PCM1: variants seen among roughly 807,000 people sequenced by gnomAD.
PCM1 encodes the protein pericentriolar material 1.
In PCM1, 157 loss-of-function variants were observed where a neutral mutation model predicts 241.9. The observed-to-expected ratio is 0.65, with a 90% CI of 0.57 to 0.74. The LOEUF (loss-of-function observed/expected upper bound fraction) is 0.74, where lower values mean the gene tolerates loss of function less well. Among genes scored for constraint, PCM1 ranks in the 30% least tolerant of loss-of-function variants. The probability of loss-of-function intolerance (pLI) is 0.00; values close to 1 mark genes in which losing one functional copy is unlikely to be tolerated. For synonymous variants in PCM1, 1,085 were observed against 784.9 expected, an observed-to-expected ratio of 1.38 and a Z score of -6.39; for missense variants, 3,478 against 2,360.1, an observed-to-expected ratio of 1.47 and a Z score of -9.81.
chr8:17,996,753 C>T (rs553465041), intron 29 of PCM1, among the ~76,000 whole-genome samples: 9 of 152,102 alleles, frequency 5.9e-5, no homozygotes, highest in African/African-American at 1.9e-4. Flanking sequence ...TATTTTAAAC[C>T]GATAACACTG....
Position 17,950,635 on chromosome 8 carries a change from A to G in PCM1, c.982A>G (p.Ser328Gly), listed in dbSNP as rs1471734888. 3 of 1,599,618 alleles carry G rather than the reference A, an allele frequency of 1.9e-6. No homozygotes were observed. Among genetic ancestry groups the G allele is most frequent in the East Asian group, 4.5e-5 (2 of 44,678 alleles). ...DDSVVAETAG[S>G]LSGVSITSEL... is the part of the protein sequence containing the mutation. ...TCCAGTTGTTGCAGAAACTGCAGGT[A>G]GCTTATCTGGCGTCAGTATCACATC... The change falls in exon 8 of 39, where the codon AGC becomes GGC. Residue 328 changes from serine to glycine, a missense_variant. Physicochemically the swap from Ser to Gly is moderately conservative, Grantham distance 56 (BLOSUM62 0). Transcript: ENST00000325083.
intron 29 of PCM1, among the ~76,000 whole-genome samples, chr8:18,003,095 G>C (rs1041020646): frequency 1.3e-5 from 2 of 152,174 alleles, no homozygotes; most frequent in African/African-American, 2.4e-5. Context: ...TACCTGCTTA[G>C]TGCTTGCACG....
At chr8:17,926,987 A>G (rs529533096) in intron 2 of PCM1, 17 of 152,282 alleles carry the variant, frequency 1.1e-4, no homozygotes, top group African/African-American at 4.1e-4. Context: ...CAAGCAGGGA[A>G]TGAAGTAGAA....
chr8:17,960,715 A>G (rs180825497), intron 15 of PCM1, among the ~76,000 whole-genome samples: 2,558 of 151,836 alleles, frequency 0.017, 40 homozygotes, highest in South Asian at 0.043. Flanking sequence ...TGGTAGAGAC[A>G]GGGTTTCACA....
Position 17,928,895 on chromosome 8 carries a change from G to A in PCM1, c.-23+4115G>A, listed in dbSNP as rs192770182. ...GACTCACCCACCTCAGCCTCCCACA[G>A]TGCTGGTATTACAGGCGTGAGCCAC... On this transcript the variant is annotated intron_variant, in intron 2 of 38. Transcript: ENST00000325083. 2.1e-4 allele frequency among the ~76,000 whole-genome samples: 32 copies of A among 152,122 alleles called. No individual in the cohort carries two copies. In the East Asian group the frequency reaches 5.8e-3, roughly 28 times the overall value.
At position 17,976,820 on chromosome 8, in the gene PCM1, G is replaced by C. The variant is rs533783220; in HGVS notation, c.3944-3771G>C. Among the ~76,000 whole-genome samples the C allele has an allele frequency of 5.3e-5, 8 of 152,038 alleles. No homozygotes were observed. In the East Asian group the frequency reaches 9.7e-4, roughly 18 times the overall value. On this transcript the variant is annotated intron_variant, in intron 23 of 38. Transcript: ENST00000325083. The stretch of plus-strand genomic sequence containing the variant: ...GTCACACATTAGTACCTTAACTTTG[G>C]AAATCTAGCCTTTGATGTTTTTAAT...
At chr8:17,975,767 C>A (rs868501445) in intron 23 of PCM1, among the ~76,000 whole-genome samples, 11 of 152,070 alleles carry the variant, frequency 7.2e-5, no homozygotes, top group African/African-American at 1.9e-4. Context: ...CTTTGTTTCC[C>A]ATGATGGTAA....
At chr8:17,997,211 A>T (rs2087182101) in intron 29 of PCM1, among the ~76,000 whole-genome samples, 1 of 151,574 alleles carries the variant, frequency 6.6e-6, no homozygotes, top group South Asian at 2.1e-4. Context: ...ACATGTCATG[A>T]CACTCTCTCC....
At chr8:17,940,225 A>G (rs907557145) in intron 6 of PCM1, 5 of 840,720 alleles carry the variant, frequency 5.9e-6, no homozygotes, top group Non-Finnish European at 9.5e-6. Context: ...AGTTTTCAAG[A>G]TGTTATTTTT....
At chr8:18,027,194 G>T (rs2094295614) in intron 38 of PCM1, among the ~76,000 whole-genome samples, 1 of 152,166 alleles carries the variant, frequency 6.6e-6, no homozygotes, top group Middle Eastern at 3.2e-3. Context: ...TCTGTTTTCA[G>T]CCCACTTCTA....
intron 18 of PCM1, 69 bp downstream of exon 18, chr8:17,964,837 C>A (rs549601881): frequency 8.6e-7 from 1 of 1,156,148 alleles, no homozygotes; most frequent in South Asian, 1.3e-5. Flanking sequence ...ACAGCAAGCA[C>A]TTCTGCAGTT....
chr8:18,009,754 G>A lies in PCM1; in HGVS notation c.5160+10G>A, dbSNP rs761562687. On this transcript the variant is annotated intron_variant, in intron 31 of 38. Coordinates refer to ENST00000325083, the MANE Select transcript of PCM1 (RefSeq NM_006197.4). Reference sequence around the variant, plus strand: ...ATCTTGTGCCAAAGAGGTAAATAACGTTCATTTTGATTTTTAGGATAATTG... The same window carrying A: ...ATCTTGTGCCAAAGAGGTAAATAACATTCATTTTGATTTTTAGGATAATTG... The A allele has an allele frequency of 1.2e-5, 17 of 1,396,750 alleles. No individual in the cohort carries two copies. Among genetic ancestry groups the A allele is most frequent in the South Asian group, 5.7e-5 (3 of 52,196 alleles). The allele number at this position is 1,396,750 out of a possible 1,614,324, so 86.5% of individuals were successfully genotyped here.
At chr8:17,987,437 G>T (rs1300906612) in intron 26 of PCM1, among the ~76,000 whole-genome samples, 1 of 151,716 alleles carries the variant, frequency 6.6e-6, no homozygotes, top group African/African-American at 2.4e-5. Flanking sequence ...TTTATTTTAA[G>T]AGATTGGAGC....
intron 29 of PCM1, among the ~76,000 whole-genome samples, chr8:18,000,756 G>C (rs563946543): frequency 6.6e-6 from 1 of 152,198 alleles, no homozygotes; most frequent in East Asian, 1.9e-4. Context: ...CAAGTATCTG[G>C]GACTACAGGT....
chr8:17,985,868 T>G, intron 25 of PCM1, 91 bp from the exon 26 acceptor site: 1 of 916,780 alleles, frequency 1.1e-6, no homozygotes, highest in Non-Finnish European at 1.6e-6. Context: ...ACATTTTTCC[T>G]TCCATCTGCT....
intron 24 of PCM1, among the ~76,000 whole-genome samples, chr8:17,984,686 A>C (rs1272079404): frequency 2.0e-5 from 3 of 151,950 alleles, no homozygotes; most frequent in African/African-American, 7.2e-5. Context: ...TTGAAAGCGC[A>C]ATGTATTAAG....
chr8:17,999,121 G>A (rs562763539), intron 29 of PCM1, among the ~76,000 whole-genome samples: 2 of 152,078 alleles, frequency 1.3e-5, no homozygotes, highest in African/African-American at 4.8e-5. Flanking sequence ...CGGATCCCAG[G>A]AGCCTGCTTG....
At chr8:17,934,738 C>G (rs1254302388) in intron 2 of PCM1, 1 of 152,174 alleles carries the variant, frequency 6.6e-6, no homozygotes, top group Non-Finnish European at 1.5e-5. Context: ...AATTCCACAG[C>G]TAGTGGAAAT....
At chr8:17,976,066 A>G (rs752992914) in intron 23 of PCM1, among the ~76,000 whole-genome samples, 1 of 152,180 alleles carries the variant, frequency 6.6e-6, no homozygotes, top group Non-Finnish European at 1.5e-5. Flanking sequence ...CTGTCCTTGA[A>G]TCTTTTCATT....
Sources: allele counts gnomAD v4.1 joint callset (sites outside exome capture counted in the v4.1 genomes callset), GRCh38; gene constraint gnomAD v4.1.1; transcripts MANE v1.5; gene names NCBI Gene and HGNC (gene_info 2026-07-23, HGNC 2026-07-21).